Variants in SMC6 observed in about 807,000 individuals in gnomAD.
The protein encoded by SMC6 is structural maintenance of chromosomes protein 6.
SMC6 carries 79 observed loss-of-function variants against 142.2 expected under a neutral mutation model. The ratio of observed to expected loss-of-function variants is 0.56; its 90% confidence interval spans 0.46 to 0.67. SMC6 has a LOEUF of 0.67. Ranked by LOEUF, SMC6 falls within the 30% of genes least tolerant of loss-of-function variation. The pLI, the probability that SMC6 is intolerant of heterozygous loss-of-function variation, is 0.00. For synonymous variants in SMC6, 411 were observed against 412.4 expected, an observed-to-expected ratio of 1.00 and a Z score of 0.04; for missense variants, 1,072 against 1,284.0, an observed-to-expected ratio of 0.83 and a Z score of 2.52.
At chr2:17,685,260 TAAG>T (rs1220749897) in intron 23 of SMC6, among the ~76,000 whole-genome samples, 2 of 152,134 alleles carry the variant, frequency 1.3e-5, no homozygotes. Context: ...ACAAATTTTT[TAAG>T]AACTAAAAGA....
Position 17,718,101 on chromosome 2 carries a change from C to T in SMC6, c.1068G>A (p.Lys356=). ...CCTCAGCTTCATTATAGGCCCTTTTCTTAGCAACAACATCTGCTTTCAATG... is the reference window on the plus strand; with the variant it reads ...CCTCAGCTTCATTATAGGCCCTTTTTTTAGCAACAACATCTGCTTTCAATG... ...CMALKADVVA[K]KRAYNEAEVL... The change falls in exon 12 of 28, where the codon AAG becomes AAA. Residue 356 remains lysine (K), a synonymous_variant. Transcript: ENST00000448223. The T allele has an allele frequency of 6.2e-7, 1 of 1,609,498 alleles. No individual in the cohort carries two copies. The highest frequency in any genetic ancestry group is 8.5e-7 in the Non-Finnish European group (1 of 1,177,630).
chr2:17,750,315 G>T (rs1349256066), intron 2 of SMC6, among the ~76,000 whole-genome samples: 1 of 152,218 alleles, frequency 6.6e-6, no homozygotes, highest in East Asian at 1.9e-4. Context: ...TGAATTAGTA[G>T]AATTGGTGAG....
intron 21 of SMC6, 29 bp downstream of exon 21, chr2:17,700,179 A>G (rs1042914973): frequency 3.4e-6 from 5 of 1,476,218 alleles, no homozygotes; most frequent in Admixed American, 2.2e-5. Context: ...CATAAAATAC[A>G]TACGTAACAC....
chr2:17,743,006 T>A (rs1670555239), intron 3 of SMC6, among the ~76,000 whole-genome samples: 1 of 152,204 alleles, frequency 6.6e-6, no homozygotes, highest in African/African-American at 2.4e-5. Flanking sequence ...TTCTAAAATG[T>A]TAAATAAATG....
At chr2:17,739,818 T>G (rs1670335288) in intron 4 of SMC6, among the ~76,000 whole-genome samples, 1 of 96,808 alleles carries the variant, frequency 1.0e-5, no homozygotes, top group Non-Finnish European at 2.0e-5. Flanking sequence ...TCCTTTCTCT[T>G]TAAACACACA....
chr2:17,726,428 C>T lies in SMC6; in HGVS notation c.585G>A (p.Lys195=), dbSNP rs1376273957. The part of the protein sequence containing the change: ...PVSVLTQEMS[K]QFLQSKNEGD... ...CTTCATTTTTAGACTGTAAGAACTGCTTGCTCATTTCTTGTGTTAAAACAG... is the reference window on the plus strand; with the variant it reads ...CTTCATTTTTAGACTGTAAGAACTGTTTGCTCATTTCTTGTGTTAAAACAG... Residue 195 remains lysine (K), a synonymous_variant, in exon 8 of 28, where the codon AAG becomes AAA. Transcript: ENST00000448223. 19 of 1,612,142 alleles carry T rather than the reference C, an allele frequency of 1.2e-5. No individual in the cohort carries two copies. The highest frequency in any genetic ancestry group is 1.5e-5 in the Non-Finnish European group (18 of 1,179,496).
intron 25 of SMC6, among the ~76,000 whole-genome samples, chr2:17,674,109 T>C (rs543270048): frequency 1.2e-4 from 19 of 152,274 alleles, no homozygotes; most frequent in Admixed American, 3.3e-4. Context: ...GAATTTATAA[T>C]AGGCTTTTTT....
At chr2:17,665,743 G>C (rs564032941) in intron 27 of SMC6, 130 bp from the exon 28 acceptor site, 102 of 436,796 alleles carry the variant, frequency 2.3e-4, no homozygotes, top group African/African-American at 1.7e-3. Context: ...CTAATATCTA[G>C]AGTTCTAGGA....
At chr2:17,701,673 A>G (rs1408375124) in intron 20 of SMC6, among the ~76,000 whole-genome samples, 156 bp downstream of exon 20, 1 of 152,180 alleles carries the variant, frequency 6.6e-6, no homozygotes, top group Non-Finnish European at 1.5e-5. Context: ...AAGGCTGTAT[A>G]CCAGGTAGTT....
intron 2 of SMC6, among the ~76,000 whole-genome samples, chr2:17,748,039 G>A (rs971400403): frequency 6.6e-6 from 1 of 152,120 alleles, no homozygotes; most frequent in Non-Finnish European, 1.5e-5. Flanking sequence ...CAGCTACAGG[G>A]GGATACTAAA....
chr2:17,666,307 T>C (rs1167610099), intron 27 of SMC6, 113 bp downstream of exon 27: 6 of 741,458 alleles, frequency 8.1e-6, no homozygotes, highest in Non-Finnish European at 1.3e-5. Flanking sequence ...GGGGAGCTAA[T>C]TTTTATTTTC....
At chr2:17,671,994 T>C (rs945504656) in intron 25 of SMC6, among the ~76,000 whole-genome samples, 1 of 150,632 alleles carries the variant, frequency 6.6e-6, no homozygotes, top group African/African-American at 2.5e-5. Flanking sequence ...AGCATTCATT[T>C]ATTTTTTAAT....
chr2:17,696,787 AG>A (rs201829293), intron 21 of SMC6, among the ~76,000 whole-genome samples: 1,860 of 152,302 alleles, frequency 0.012, 18 homozygotes, highest in East Asian at 0.031. Context: ...TTCGGGAAAA[AG>A]CAAGGATGTG....
chr2:17,744,171 G>T (rs1670618232), intron 3 of SMC6, among the ~76,000 whole-genome samples: 1 of 152,290 alleles, frequency 6.6e-6, no homozygotes, highest in Admixed American at 6.5e-5. Flanking sequence ...TTCCAAAGTG[G>T]CTGGACATTC....
At chr2:17,675,969 T>A (rs1410732713) in intron 25 of SMC6, among the ~76,000 whole-genome samples, 2 of 152,172 alleles carry the variant, frequency 1.3e-5, no homozygotes, top group African/African-American at 2.4e-5. Flanking sequence ...TGTTCTATCC[T>A]ATCGGGACTC....
At position 17,665,541 on chromosome 2, in the gene SMC6, A is replaced by G; in HGVS notation, c.3234T>C (p.Pro1078=). 1 of 1,611,548 alleles carries G rather than the reference A, an allele frequency of 6.2e-7. No individual in the cohort carries two copies. The change falls in exon 28 of 28, where the codon CCT becomes CCC. Residue 1078 remains proline, a synonymous_variant. Transcript: ENST00000448223. ...SDPERGQTTL[P]FRPVTQEEDD... is the part of the protein sequence containing the mutation. ...CTTCTTCTTGAGTCACAGGTCTGAA[A>G]GGCAATGTAGTTTGTCCTCTTTCAG...
chr2:17,682,808 A>G (rs754488365), intron 24 of SMC6, among the ~76,000 whole-genome samples: 2 of 152,148 alleles, frequency 1.3e-5, no homozygotes, highest in Non-Finnish European at 2.9e-5. Context: ...AGCCCTACTA[A>G]TATGCCTGTA....
chr2:17,664,391 C>T lies in SMC6; in HGVS notation c.*1108G>A, dbSNP rs1421892489. On this transcript the variant is annotated 3_prime_UTR_variant, in exon 28 of 28. Coordinates refer to ENST00000448223, the MANE Select transcript of SMC6 (RefSeq NM_001142286.2). ...CCAGTTTTCCTCAATAACTAGAGAA[C>T]AGTCCCTGCTCTTAATATACTGCCC... is the stretch of plus-strand genomic sequence containing the variant. The T allele has an allele frequency of 2.0e-5, 3 of 152,162 alleles. No individual in the cohort carries two copies. Among genetic ancestry groups the T allele is most frequent in the African/African-American group, 4.8e-5 (2 of 41,440 alleles). 9.4% of individuals were successfully genotyped at this position (152,162 alleles called of 1,614,324 possible). A position where few individuals can be genotyped will look rare whatever the true frequency, so the allele number is the denominator to read the frequency against.
chr2:17,721,327 C>A, intron 9 of SMC6, 66 bp from the exon 10 acceptor site: 1 of 1,448,580 alleles, frequency 6.9e-7, no homozygotes, highest in South Asian at 1.6e-5. Context: ...TTTTGCAAAT[C>A]TATTTCTTTT....
Sources: gnomAD v4.1 joint callset for allele counts (sites outside exome capture counted in the v4.1 genomes callset) on GRCh38, gnomAD v4.1.1 for gene constraint, MANE v1.5 for transcripts, NCBI Gene and HGNC (gene_info 2026-07-23, HGNC 2026-07-21) for gene names.